FOCAD: variants seen among roughly 807,000 people sequenced by gnomAD.
The protein encoded by FOCAD is KIAA1797.
FOCAD carries 198 observed loss-of-function variants against 225.6 expected under a neutral mutation model. The observed-to-expected ratio is 0.88, with a 90% CI of 0.78 to 0.99. The LOEUF (loss-of-function observed/expected upper bound fraction) is 0.99. Ranked by LOEUF, FOCAD falls within the 50% of genes least tolerant of loss-of-function variation. The pLI is 0.00. For missense variants in FOCAD, 2,713 were observed against 2,123.6 expected (o/e 1.28, Z -5.46); for synonymous variants, 897 against 755.0 (o/e 1.19, Z -3.08).
chr9:20,681,156 T>C (rs1023676696), upstream of FOCAD, among the ~76,000 whole-genome samples: 2 of 152,254 alleles, frequency 1.3e-5, no homozygotes, highest in Non-Finnish European at 2.9e-5. Context: ...ATTAAATCAG[T>C]GAAGCGTAAA....
intron 21 of FOCAD, among the ~76,000 whole-genome samples, chr9:20,892,712 T>G (rs938030383): frequency 1.3e-5 from 2 of 152,266 alleles, no homozygotes; most frequent in East Asian, 1.9e-4. Context: ...CAATATTACA[T>G]AAACGTACCT....
intron 5 of FOCAD, among the ~76,000 whole-genome samples, chr9:20,755,143 C>G (rs898765808): frequency 1.3e-4 from 19 of 151,240 alleles, no homozygotes; most frequent in African/African-American, 4.4e-4. Flanking sequence ...TTTTCAGCTT[C>G]TTAGAATCAA....
chr9:20,866,906 T>C, intron 17 of FOCAD, 23 bp from the exon 18 acceptor site: 1 of 844,324 alleles, frequency 1.2e-6, no homozygotes, highest in Admixed American at 3.7e-5. Context: ...TTTTTTTTTT[T>C]TTTTTTTTTT....
At chr9:20,897,560 C>T (rs1475895503) in intron 21 of FOCAD, among the ~76,000 whole-genome samples, 1 of 151,444 alleles carries the variant, frequency 6.6e-6, no homozygotes, top group Non-Finnish European at 1.5e-5. Context: ...TAAATGATTG[C>T]CACACAGTAT....
At chr9:20,818,499 G>A (rs112477070) in intron 11 of FOCAD, among the ~76,000 whole-genome samples, 9 of 151,960 alleles carry the variant, frequency 5.9e-5, no homozygotes, top group East Asian at 3.9e-4. Flanking sequence ...GTTTTAGCTC[G>A]TACATTTAGT....
intron 35 of FOCAD, among the ~76,000 whole-genome samples, chr9:20,962,312 G>A (rs1166707969): frequency 6.6e-6 from 1 of 151,974 alleles, no homozygotes; most frequent in Non-Finnish European, 1.5e-5. Flanking sequence ...AAGAATAGCT[G>A]TGTTTTATCG....
chr9:20,798,590 C>T (rs1448585149), intron 11 of FOCAD, among the ~76,000 whole-genome samples: 2 of 151,964 alleles, frequency 1.3e-5, no homozygotes, highest in African/African-American at 2.4e-5. Flanking sequence ...ATGTATGTGT[C>T]GAGGAATTTA....
At chr9:20,888,512 TG>T (rs1395211724) in intron 21 of FOCAD, among the ~76,000 whole-genome samples, 1 of 152,216 alleles carries the variant, frequency 6.6e-6, no homozygotes, top group East Asian at 1.9e-4. Flanking sequence ...TTTTACAAAA[TG>T]GTTCTTGCTT....
At chr9:20,683,304 G>GT (rs959056565), upstream of FOCAD, 1 of 152,092 alleles carries the variant, frequency 6.6e-6, no homozygotes, top group African/African-American at 2.4e-5. Flanking sequence ...CCAGGCACTT[G>GT]TTTTTTTATT....
intron 2 of FOCAD, among the ~76,000 whole-genome samples, chr9:20,662,571 C>T (rs1213838147): frequency 6.6e-6 from 1 of 152,168 alleles, no homozygotes; most frequent in Non-Finnish European, 1.5e-5. Context: ...ATTCTGCTTC[C>T]TCTCCCCACT....
At chr9:20,665,412 G>C (rs776102432) in intron 2 of FOCAD, among the ~76,000 whole-genome samples, 1 of 152,042 alleles carries the variant, frequency 6.6e-6, no homozygotes, top group Non-Finnish European at 1.5e-5. Flanking sequence ...AATGAATGAC[G>C]AATCAGCTAA....
intron 22 of FOCAD, 74 bp from the exon 23 acceptor site, chr9:20,912,792 G>A (rs1489162106): frequency 1.7e-6 from 2 of 1,206,778 alleles, no homozygotes; most frequent in Non-Finnish European, 2.5e-6. Context: ...GGATATATCT[G>A]TGTTTTCCAA....
At chr9:20,801,322 A>G (rs1447412212) in intron 11 of FOCAD, among the ~76,000 whole-genome samples, 1 of 152,190 alleles carries the variant, frequency 6.6e-6, no homozygotes, top group Non-Finnish European at 1.5e-5. Flanking sequence ...TAGGAATGAC[A>G]GAATTCTGTC....
rs563337126 is a variant in FOCAD, at chr9:20,863,397, A to G, written c.2055+685A>G. 9 of 152,150 alleles carry G rather than the reference A, an allele frequency of 5.9e-5. No homozygotes were observed. The South Asian group carries it at 1.2e-3, about 21-fold the overall frequency. The allele number at this position is 152,150 out of a possible 1,614,324, so 9.4% of individuals were successfully genotyped here. A position where few individuals can be genotyped will look rare whatever the true frequency, so the allele number is the denominator to read the frequency against. Reference sequence around the variant, plus strand: ...CTGCCACTCCAGCCATCAGATTCCAATAATAGTCCTTTATATGTTTTAGAT... The same window carrying G: ...CTGCCACTCCAGCCATCAGATTCCAGTAATAGTCCTTTATATGTTTTAGAT... On this transcript the variant is annotated intron_variant, in intron 16 of 43. Transcript: ENST00000338382.
chr9:20,824,380 A>G (rs1390412558), intron 15 of FOCAD, among the ~76,000 whole-genome samples: 1 of 152,074 alleles, frequency 6.6e-6, no homozygotes. Context: ...ATTTTTTCCT[A>G]ACAGGCATCA....
chr9:20,729,814 C>G (rs1374000093), intron 4 of FOCAD, among the ~76,000 whole-genome samples: 1 of 152,070 alleles, frequency 6.6e-6, no homozygotes, highest in Non-Finnish European at 1.5e-5. Context: ...AATACTAGAT[C>G]TATGTTGCTC....
At chr9:20,961,241 A>G (rs1454504458) in intron 35 of FOCAD, among the ~76,000 whole-genome samples, 1 of 149,750 alleles carries the variant, frequency 6.7e-6, no homozygotes, top group Non-Finnish European at 1.5e-5. Flanking sequence ...GTAGACTCGT[A>G]AATTCCTATG....
chr9:20,690,630 C>A (rs60357108), intron 1 of FOCAD, among the ~76,000 whole-genome samples: 36 of 152,220 alleles, frequency 2.4e-4, no homozygotes, highest in African/African-American at 8.4e-4. Context: ...CTCGCCACAG[C>A]CTTGAACTCC....
intron 33 of FOCAD, 84 bp downstream of exon 33, chr9:20,949,759 T>A: frequency 1.7e-6 from 2 of 1,168,082 alleles, no homozygotes; most frequent in Non-Finnish European, 2.5e-6. Context: ...ACAACATGTT[T>A]TACCTGGAAA....
Sources: gnomAD v4.1 joint callset for allele counts (sites outside exome capture counted in the v4.1 genomes callset) on GRCh38, gnomAD v4.1.1 for gene constraint, MANE v1.5 for transcripts, NCBI Gene and HGNC (gene_info 2026-07-23, HGNC 2026-07-21) for gene names.